TTC28: variants seen among roughly 807,000 people sequenced by gnomAD.
TTC28 encodes the protein tetratricopeptide repeat domain 28, also known as tetratricopeptide repeat protein 28.
Under a neutral mutation model 198.0 loss-of-function variants are expected in TTC28, and 61 were observed. The observed-to-expected ratio is 0.31, with a 90% CI of 0.25 to 0.38. The LOEUF (loss-of-function observed/expected upper bound fraction) is 0.38, where lower values mean the gene tolerates loss of function less well. Among genes scored for constraint, TTC28 ranks in the 10% least tolerant of loss-of-function variants. The pLI, the probability that TTC28 is intolerant of heterozygous loss-of-function variation, is 1.00. For missense variants in TTC28, 2,678 were observed against 3,164.0 expected, an observed-to-expected ratio of 0.85 and a Z score of 3.69; for synonymous variants, 1,171 against 1,297.8, an observed-to-expected ratio of 0.90 and a Z score of 2.10.
chr22:28,626,795 G>T (rs957632929), intron 2 of TTC28, among the ~76,000 whole-genome samples: 3 of 151,838 alleles, frequency 2.0e-5, no homozygotes, highest in Non-Finnish European at 4.4e-5. Flanking sequence ...ATGTAAAATG[G>T]ACTATACAAT....
intron 1 of TTC28, among the ~76,000 whole-genome samples, chr22:28,672,969 A>G (rs2051913644): frequency 6.6e-6 from 1 of 152,232 alleles, no homozygotes; most frequent in Non-Finnish European, 1.5e-5. Flanking sequence ...TTGATAAATA[A>G]TTGATTGTAA....
intron 2 of TTC28, among the ~76,000 whole-genome samples, chr22:28,518,688 G>C (rs1450032839): frequency 1.3e-5 from 2 of 152,198 alleles, no homozygotes; most frequent in African/African-American, 4.8e-5. Context: ...GATTAAATAA[G>C]TGTAAGCACA....
At chr22:27,987,470 G>A (rs1223746061) in intron 21 of TTC28, among the ~76,000 whole-genome samples, 5 of 152,080 alleles carry the variant, frequency 3.3e-5, no homozygotes, top group African/African-American at 4.8e-5. Flanking sequence ...GGTGGCTCAC[G>A]CCTATAATCC....
Position 28,423,056 on chromosome 22 carries a change from C to A in TTC28, c.382-116413G>T, listed in dbSNP as rs190940941. On this transcript the variant is annotated intron_variant, in intron 2 of 22. Coordinates refer to ENST00000397906, the MANE Select transcript of TTC28 (RefSeq NM_001145418.2). ...ATGTAAAAGTTTTTAGATTAACAGTCAAAAACTACTGTAGATTCTTGACAT... is the reference window on the plus strand; with the variant it reads ...ATGTAAAAGTTTTTAGATTAACAGTAAAAAACTACTGTAGATTCTTGACAT... Among the ~76,000 whole-genome samples the A allele has an allele frequency of 3.0e-3, 454 of 152,120 alleles. 4 individuals are homozygous for A. The highest frequency in any genetic ancestry group is 0.01 in the African/African-American group (434 of 41,500).
At chr22:28,581,518 T>C (rs1419975498) in intron 2 of TTC28, among the ~76,000 whole-genome samples, 2 of 152,150 alleles carry the variant, frequency 1.3e-5, no homozygotes, top group Non-Finnish European at 1.5e-5. Context: ...TCTAAAGTAA[T>C]GGAAGTATTT....
intron 5 of TTC28, among the ~76,000 whole-genome samples, chr22:28,216,609 G>C (rs979896047): frequency 2.6e-5 from 4 of 152,228 alleles, no homozygotes; most frequent in African/African-American, 9.6e-5. Context: ...GCAAGAGGTA[G>C]TCAATAAGGA....
chr22:28,575,107 A>T (rs527952750), intron 2 of TTC28, among the ~76,000 whole-genome samples: 1 of 152,260 alleles, frequency 6.6e-6, no homozygotes, highest in South Asian at 2.1e-4. Context: ...TGCCCACTCC[A>T]ATGTCCTAGA....
chr22:28,629,636 A>G lies in TTC28; in HGVS notation c.297T>C (p.Ser99=). 1 of 1,551,706 alleles carries G rather than the reference A, an allele frequency of 6.4e-7. No individual in the cohort carries two copies. Among genetic ancestry groups the G allele is most frequent in the Admixed American group, 2.0e-5 (1 of 51,000 alleles). ...ACTGCTGGATTTTCATGTAGGCTGC[A>G]GATCTATTGCTGTATAAGATGCAGT... ...PQNCILYSNR[S]AAYMKIQQYD... is the part of the protein sequence containing the mutation. Residue 99 remains serine (S), a synonymous_variant, in exon 2 of 23, where the codon TCT becomes TCC. Transcript: ENST00000397906.
chr22:28,419,137 A>G (rs908873166), intron 2 of TTC28, among the ~76,000 whole-genome samples: 3 of 152,176 alleles, frequency 2.0e-5, no homozygotes, highest in Non-Finnish European at 4.4e-5. Flanking sequence ...AAGAACCCCT[A>G]TTACATAAGG....
intron 5 of TTC28, among the ~76,000 whole-genome samples, chr22:28,274,976 TAA>T (rs34582010): frequency 5.1e-5 from 4 of 77,880 alleles, no homozygotes; most frequent in African/African-American, 8.9e-5. Flanking sequence ...GAGACTGTCT[TAA>T]AAAAAAAAAA....
At chr22:28,099,587 T>A (rs1953545430) in intron 9 of TTC28, among the ~76,000 whole-genome samples, 1 of 152,172 alleles carries the variant, frequency 6.6e-6, no homozygotes. Context: ...AGGCATCAGA[T>A]CATGCCCAGT....
At chr22:28,105,863 G>C (rs2024670853) in intron 7 of TTC28, 61 bp from the exon 8 acceptor site, 1 of 1,464,598 alleles carries the variant, frequency 6.8e-7, no homozygotes, top group Non-Finnish European at 9.0e-7. Context: ...ACATGCTAAA[G>C]CCCCTGAGAA....
intron 5 of TTC28, among the ~76,000 whole-genome samples, chr22:28,228,638 T>C (rs1928544364): frequency 6.6e-6 from 1 of 151,722 alleles, no homozygotes; most frequent in South Asian, 2.1e-4. Flanking sequence ...GGGCAGAGGT[T>C]GCAGTGAGCC....
chr22:28,203,737 T>G (rs1233509143), intron 5 of TTC28, among the ~76,000 whole-genome samples: 1 of 152,086 alleles, frequency 6.6e-6, no homozygotes, highest in East Asian at 1.9e-4. Context: ...TAACACCATC[T>G]CAGTACAATT....
chr22:28,391,793 T>A (rs1304278013), intron 2 of TTC28, among the ~76,000 whole-genome samples: 1 of 152,232 alleles, frequency 6.6e-6, no homozygotes, highest in African/African-American at 2.4e-5. Flanking sequence ...TTGAATTTCC[T>A]CCCGTAGCTC....
At position 28,105,343 on chromosome 22, in the gene TTC28, A is replaced by G. The variant is rs937470025; in HGVS notation, c.3243T>C (p.Ser1081=). ...AGGCATGATGGGTCCTTCCAAGGCT[A>G]CTATATGACACCGTCTTGGCCGCCA... ...NDLAAKTVSY[S]SLGRTHHALQ... is the part of the protein sequence containing the mutation. The change falls in exon 8 of 23, where the codon AGT becomes AGC. Residue 1081 remains serine, a synonymous_variant. Coordinates refer to ENST00000397906, the MANE Select transcript of TTC28 (RefSeq NM_001145418.2). 7 of 1,551,730 alleles carry G rather than the reference A, an allele frequency of 4.5e-6. No individual in the cohort carries two copies. The highest frequency in any genetic ancestry group is 1.7e-4 in the Middle Eastern group (1 of 5,992).
rs535151075 is a variant in TTC28 at position 28,424,833 on chromosome 22, C to T, written c.382-118190G>A. Among the ~76,000 whole-genome samples, 12 of 152,300 alleles carry T rather than the reference C, an allele frequency of 7.9e-5. No homozygotes were observed. In the East Asian group the frequency reaches 2.1e-3, roughly 27 times the overall value. On this transcript the variant is annotated intron_variant, in intron 2 of 22. Transcript: ENST00000397906. ...AGGAATAGCTGCTGGCAGCTGTTTG[C>T]CATTCAATTTTGCTACCACTAAAGC...
At chr22:28,210,323 C>T (rs935098133) in intron 5 of TTC28, among the ~76,000 whole-genome samples, 65 of 152,082 alleles carry the variant, frequency 4.3e-4, no homozygotes, top group African/African-American at 1.5e-3. Context: ...AGGCTTCAGA[C>T]GATCGGTAAT....
In TTC28 at chr22:28,629,538, G is replaced by T; in HGVS notation, c.381+14C>A. 1.3e-6 allele frequency: 2 copies of T among 1,535,522 alleles called. No individual in the cohort carries two copies. Among genetic ancestry groups the T allele is most frequent in the South Asian group, 2.5e-5 (2 of 81,400 alleles). On this transcript the variant is annotated intron_variant, in intron 2 of 22. Coordinates refer to ENST00000397906, the MANE Select transcript of TTC28 (RefSeq NM_001145418.2). ...ATTCTATGAAAATAAATCTTCATAG[G>T]TAAAAATTTCTACCTTTGGCCACTT... is the stretch of plus-strand genomic sequence containing the variant.
Sources: allele counts gnomAD v4.1 joint callset (sites outside exome capture counted in the v4.1 genomes callset), GRCh38; gene constraint gnomAD v4.1.1; transcripts MANE v1.5; gene names NCBI Gene and HGNC (gene_info 2026-07-23, HGNC 2026-07-21).